The following MTG2 variants were observed in gnomAD, a reference collection of about 807,000 sequenced individuals.
The protein encoded by MTG2 is mitochondrial ribosome associated GTPase 2.
A neutral mutation model predicts 28.6 loss-of-function variants in MTG2; 23 were observed. That is an observed-to-expected ratio of 0.80 (90% CI 0.58 to 1.14). The LOEUF is 1.14. Among genes scored for constraint, MTG2 ranks in the 50% most tolerant of loss-of-function variants. MTG2 has a pLI of 0.00. For missense variants in MTG2, 539 were observed against 552.0 expected (o/e 0.98, Z 0.24); for synonymous variants, 260 against 251.8 (o/e 1.03, Z -0.31).
At chr20:62,192,440 C>T (rs936269158) in intron 1 of MTG2, among the ~76,000 whole-genome samples, 2 of 152,206 alleles carry the variant, frequency 1.3e-5, no homozygotes, top group Non-Finnish European at 2.9e-5. Context: ...GGCCTTACAG[C>T]ACGGGGATGA....
In MTG2 at chr20:62,201,093, G is replaced by A. The variant is rs759302451; in HGVS notation, c.*16G>A. 10 of 1,572,988 alleles carry A rather than the reference G, an allele frequency of 6.4e-6. 1 individual carries two copies. The South Asian group carries it at 9.2e-5, about 14-fold the overall frequency. On this transcript the variant is annotated 3_prime_UTR_variant, in exon 7 of 7. Transcript: ENST00000370823. ...CAGGTGGTAGCCACGCCAGAGCGGG[G>A]TCGCCTCTGGGCCTCTGTCTGAGCA...
chr20:62,188,712 T>C (rs2057897844), intron 1 of MTG2: 1 of 152,086 alleles, frequency 6.6e-6, no homozygotes, highest in Non-Finnish European at 1.5e-5. Flanking sequence ...GTAAATGCTA[T>C]GTAAATAGCT....
chr20:62,188,192 G>A (rs570742731), intron 1 of MTG2, among the ~76,000 whole-genome samples: 8 of 150,850 alleles, frequency 5.3e-5, no homozygotes, highest in Admixed American at 1.3e-4. Context: ...AAAACATTTT[G>A]TAATTTCTCT....
rs568786904 is a variant in MTG2, at chr20:62,203,360, C to G, written c.*2283C>G. On this transcript the variant is annotated 3_prime_UTR_variant, in exon 7 of 7. Coordinates refer to ENST00000370823, the MANE Select transcript of MTG2 (RefSeq NM_015666.4). ...AGAACTTTCCTTGCTGCAAAAAGCC[C>G]CAAGACTTCTCCCTGCCACACACAC... The G allele has an allele frequency of 1.4e-4, 21 of 152,332 alleles. No homozygotes were observed. Among genetic ancestry groups the G allele is most frequent in the Admixed American group, 2.6e-4 (4 of 15,286 alleles). The allele number at this position is 152,332 out of a possible 1,614,324, so 9.4% of individuals were successfully genotyped here. A position where few individuals can be genotyped will look rare whatever the true frequency, so the allele number is the denominator to read the frequency against.
At position 62,201,259 on chromosome 20, in the gene MTG2, C is replaced by G. The variant is rs188050084; in HGVS notation, c.*182C>G. 1.3e-3 allele frequency: 891 copies of G among 695,330 alleles called. 4 individuals are homozygous for G. The African/African-American group carries it at 0.015, about 11-fold the overall frequency. 43.1% of individuals were successfully genotyped at this position (695,330 alleles called of 1,614,324 possible). On this transcript the variant is annotated 3_prime_UTR_variant, in exon 7 of 7. Coordinates refer to ENST00000370823, the MANE Select transcript of MTG2 (RefSeq NM_015666.4). The stretch of plus-strand genomic sequence containing the variant: ...GGGAAGCATTCCGTGCCCCCTACCC[C>G]GCCTGCCCTCCGTATTTCCTGCACC...
chr20:62,200,474 C>G (rs2058145579), intron 6 of MTG2, among the ~76,000 whole-genome samples: 1 of 152,192 alleles, frequency 6.6e-6, no homozygotes, highest in Non-Finnish European at 1.5e-5. Flanking sequence ...GCATTGAATT[C>G]CTCAGGTGTC....
Position 62,197,971 on chromosome 20 carries a change from AGCCGAGACT to A in MTG2, c.468+9_468+17del. 6.2e-7 allele frequency: 1 copy of A among 1,612,044 alleles called. No individual in the cohort carries two copies. Among genetic ancestry groups the A allele is most frequent in the East Asian group, 2.2e-5 (1 of 44,858 alleles). On this transcript the variant is annotated splice_donor_5th_base_variant and intron_variant, in intron 4 of 6. Transcript: ENST00000370823. Reference sequence around the variant, plus strand: ...TGGCGCCGTCCTCTACATCCGGGTGAGCCGAGACTGCCGGACCTGGCCCTGTCCCCGTTG... The same window carrying A: ...TGGCGCCGTCCTCTACATCCGGGTGAGCCGGACCTGGCCCTGTCCCCGTTG...
intron 1 of MTG2, chr20:62,188,711 A>G (rs1337388614): frequency 2.6e-5 from 4 of 152,014 alleles, no homozygotes; most frequent in Admixed American, 2.6e-4. Context: ...TGTAAATGCT[A>G]TGTAAATAGC....
At chr20:62,197,734 A>G in intron 3 of MTG2, 118 bp from the exon 4 acceptor site, 1 of 709,270 alleles carries the variant, frequency 1.4e-6, no homozygotes, top group Non-Finnish European at 2.4e-6. Flanking sequence ...CTTCTGCTGC[A>G]CCCTCACTCC....
chr20:62,189,664 C>CCTT (rs750430757), intron 1 of MTG2, among the ~76,000 whole-genome samples: 23 of 113,638 alleles, frequency 2.0e-4, no homozygotes, highest in Non-Finnish European at 2.1e-4. Context: ...TAAACATTAA[C>CCTT]TTTTTTTTTT....
intron 1 of MTG2, among the ~76,000 whole-genome samples, chr20:62,191,159 G>C (rs2145839516): frequency 6.6e-6 from 1 of 152,304 alleles, no homozygotes; most frequent in South Asian, 2.1e-4. Flanking sequence ...GTGCACAGCT[G>C]GCCTGCTGCC....
At chr20:62,194,559 T>A (rs1457598794) in intron 2 of MTG2, among the ~76,000 whole-genome samples, 1 of 152,268 alleles carries the variant, frequency 6.6e-6, no homozygotes, top group Non-Finnish European at 1.5e-5. Flanking sequence ...CAAAGAATCT[T>A]AGAATGTTTG....
intron 3 of MTG2, 132 bp from the exon 4 acceptor site, chr20:62,197,720 G>A (rs1170225939): frequency 8.1e-6 from 5 of 620,130 alleles, no homozygotes; most frequent in Non-Finnish European, 1.4e-5. Flanking sequence ...TGCTGGTTTT[G>A]TAACTTCTGC....
chr20:62,199,179 G>T lies in MTG2; in HGVS notation c.748G>T (p.Ala250Ser). The change falls in exon 6 of 7, where the codon GCC (alanine) becomes TCC (serine). Residue 250 changes from alanine to serine, a missense_variant. Physicochemically the swap from Ala to Ser is moderately conservative, Grantham distance 99 (BLOSUM62 1). Coordinates refer to ENST00000370823, the MANE Select transcript of MTG2 (RefSeq NM_015666.4). ...LLRAISNARP[A>S]VASYPFTTLK... ...CCGGGCCATTTCAAACGCCAGACCC[G>T]CCGTGGCTTCCTACCCGTTCACCAC... 6.2e-7 allele frequency: 1 copy of T among 1,614,140 alleles called. No individual in the cohort carries two copies. Among genetic ancestry groups the T allele is most frequent in the Non-Finnish European group, 8.5e-7 (1 of 1,180,030 alleles).
intron 1 of MTG2, among the ~76,000 whole-genome samples, chr20:62,190,720 A>T (rs1388768705): frequency 1.3e-5 from 2 of 152,194 alleles, no homozygotes; most frequent in Non-Finnish European, 2.9e-5. Flanking sequence ...CCCAAGCCCC[A>T]CCTGGAGCTC....
At chr20:62,191,008 G>T (rs2057947932) in intron 1 of MTG2, among the ~76,000 whole-genome samples, 1 of 152,222 alleles carries the variant, frequency 6.6e-6, no homozygotes. Context: ...GCGGGTCACA[G>T]CAGGTAGGGG....
intron 1 of MTG2, 35 bp downstream of exon 1, chr20:62,183,092 C>G (rs192249366): frequency 6.6e-6 from 1 of 152,218 alleles, no homozygotes; most frequent in Non-Finnish European, 1.5e-5. Context: ...GAGCGTGGGC[C>G]TGGGGGGTGG....
In MTG2 at chr20:62,200,870, G is replaced by T; in HGVS notation, c.1014G>T (p.Arg338Ser). The stretch of plus-strand genomic sequence containing the variant: ...TGTATGAAAAGGGCCTGTCTGCGAG[G>T]CCCCACGCAATCGTCGCAAACAAGA... Reference protein sequence around the residue: ...LEMYEKGLSARPHAIVANKID... With the variant: ...LEMYEKGLSASPHAIVANKID... Residue 338 changes from arginine (R) to serine (S), a missense_variant, in exon 7 of 7, where the codon AGG becomes AGT. By Grantham distance (110) the Arg-to-Ser change is moderately radical. Coordinates refer to ENST00000370823, the MANE Select transcript of MTG2 (RefSeq NM_015666.4). 1 of 1,613,982 alleles carries T rather than the reference G, an allele frequency of 6.2e-7. No homozygotes were observed. Among genetic ancestry groups the T allele is most frequent in the Non-Finnish European group, 8.5e-7 (1 of 1,180,028 alleles).
chr20:62,188,508 ATT>A (rs1192106476), intron 1 of MTG2, among the ~76,000 whole-genome samples: 7 of 89,724 alleles, frequency 7.8e-5, no homozygotes, highest in Non-Finnish European at 1.1e-4. Flanking sequence ...TAATCAGCTA[ATT>A]TTTTTTTTTT....
Sources: gnomAD v4.1 joint callset for allele counts (sites outside exome capture counted in the v4.1 genomes callset) on GRCh38, gnomAD v4.1.1 for gene constraint, MANE v1.5 for transcripts, NCBI Gene and HGNC (gene_info 2026-07-23, HGNC 2026-07-21) for gene names.